Variants in GNAS observed in about 807,000 individuals in gnomAD.
GNAS encodes protein ALEX.
Under a neutral mutation model 54.5 loss-of-function variants are expected in GNAS, and 8 were observed. The ratio of observed to expected loss-of-function variants is 0.15; its 90% CI spans 0.09 to 0.26. The LOEUF (loss-of-function observed/expected upper bound fraction) is 0.26, where lower values mean the gene tolerates loss of function less well. GNAS is among the 10% of genes least tolerant of loss of function. The probability of loss-of-function intolerance (pLI) is 1.00; values close to 1 mark genes in which losing one functional copy is unlikely to be tolerated. For missense variants in GNAS, 170 were observed against 529.8 expected (o/e 0.32, Z 6.67); for synonymous variants, 204 against 191.4 (o/e 1.07, Z -0.54).
chr20:58,908,869 G>A lies in GNAS; in HGVS notation c.531-293G>A, dbSNP rs190116991. 403 of 523,892 alleles carry A rather than the reference G, an allele frequency of 7.7e-4. 5 individuals are homozygous for A. The East Asian group carries it at 0.012, about 15-fold the overall frequency. 32.5% of individuals were successfully genotyped at this position (523,892 alleles called of 1,614,324 possible). A position where few individuals can be genotyped will look rare whatever the true frequency, so the allele number is the denominator to read the frequency against. On this transcript the variant is annotated intron_variant, in intron 6 of 12. Transcript: ENST00000371085. ...AAGAACAAAGCCCCACCACCGTGCT[G>A]TGCTGTTTGTGTGGCCCCACTGCGT...
chr20:58,892,965 TGCTTTGTG>T, intron 1 of GNAS, among the ~76,000 whole-genome samples: 1 of 142,072 alleles, frequency 7.0e-6, no homozygotes, highest in Non-Finnish European at 1.5e-5. Flanking sequence ...ACATTGAGAG[TGCTTTGTG>T]AAAAGAAAAA....
At chr20:58,899,385 A>G in intron 3 of GNAS, 1 of 521,330 alleles carries the variant, frequency 1.9e-6, no homozygotes, top group Admixed American at 2.3e-5. Context: ...TTAAAATTTC[A>G]GACCTCTTTG....
In GNAS at chr20:58,910,501, T is replaced by C; in HGVS notation, c.1038+100T>C. 1 of 1,166,722 alleles carries C rather than the reference T, an allele frequency of 8.6e-7. No individual in the cohort carries two copies. The highest frequency in any genetic ancestry group is 1.3e-6 in the Non-Finnish European group (1 of 778,834). The allele number at this position is 1,166,722 out of a possible 1,614,324, so 72.3% of individuals were successfully genotyped here. A position where few individuals can be genotyped will look rare whatever the true frequency, so the allele number is the denominator to read the frequency against. The stretch of plus-strand genomic sequence containing the variant: ...AAATTCAGGGGTTCAGCTACCCAGT[T>C]CCATGGTTTTAGTTCACGCACATCC... On this transcript the variant is annotated intron_variant, in intron 12 of 12. Transcript: ENST00000371085. This position sits in a 1 kb window ranked among gnomAD's most constrained non-coding sequence, Gnocchi z 5.8.
At position 58,891,732 on chromosome 20, in the gene GNAS, C is replaced by G. The variant is rs775708134; in HGVS notation, c.6C>G (p.Gly2=). 3 of 1,162,764 alleles carry G rather than the reference C, an allele frequency of 2.6e-6. No individual in the cohort carries two copies. Among genetic ancestry groups the G allele is most frequent in the Non-Finnish European group, 3.3e-6 (3 of 912,518 alleles). The allele number at this position is 1,162,764 out of a possible 1,614,324, so 72.0% of individuals were successfully genotyped here. The change falls in exon 1 of 13, where the codon GGC becomes GGG. Residue 2 remains glycine (G), a synonymous_variant. Transcript: ENST00000371085. The part of the protein sequence containing the change: M[G]CLGNSKTEDQ... ...CCGCCGCCGCCGCCGCCGCCATGGGCTGCCTCGGGAACAGTAAGACCGAGG... is the reference window on the plus strand; with the variant it reads ...CCGCCGCCGCCGCCGCCGCCATGGGGTGCCTCGGGAACAGTAAGACCGAGG...
At chr20:58,855,184 C>T (rs1335413863) in intron 1 of GNAS, 1 of 1,608,238 alleles carries the variant, frequency 6.2e-7, no homozygotes, top group Non-Finnish European at 8.5e-7. Flanking sequence ...AAGAAGGTAC[C>T]CCTGGCGGAG....
chr20:58,840,077 A>AG (rs768318168), upstream of GNAS: 3 of 1,607,336 alleles, frequency 1.9e-6, no homozygotes, highest in Non-Finnish European at 2.5e-6. This position sits in a 1 kb window ranked among gnomAD's most constrained non-coding sequence, Gnocchi z 6.0. Flanking sequence ...GCCAGAGGGC[A>AG]GGCCGGCTTC....
intron 1 of GNAS, among the ~76,000 whole-genome samples, chr20:58,877,600 A>G (rs1452333057): frequency 6.6e-6 from 1 of 152,236 alleles, no homozygotes; most frequent in Admixed American, 6.5e-5. Flanking sequence ...AGAGCAGGAT[A>G]AAGGGACAGA....
Position 58,841,470 on chromosome 20 carries a change from C to A in GNAS, c.43+584C>A. 2.0e-6 allele frequency: 2 copies of A among 991,580 alleles called. No homozygotes were observed. 61.4% of individuals were successfully genotyped at this position (991,580 alleles called of 1,614,324 possible). ...GCGCGGCGCCTAAGCAGCTCAGAGCCGGAGCCCAGGTCCCAGAGCTGACAA... is the reference window on the plus strand; with the variant it reads ...GCGCGGCGCCTAAGCAGCTCAGAGCAGGAGCCCAGGTCCCAGAGCTGACAA... On this transcript the variant is annotated intron_variant, in intron 1 of 12. Transcript: ENST00000306090. The surrounding 1 kb of genome is among the most constrained non-coding windows in gnomAD (Gnocchi z 5.0).
intron 1 of GNAS, among the ~76,000 whole-genome samples, chr20:58,866,726 AC>A (rs1382866483): frequency 3.3e-5 from 5 of 152,110 alleles, no homozygotes; most frequent in Non-Finnish European, 7.4e-5. Flanking sequence ...GATTGTAACA[AC>A]TGAAACAGAT....
chr20:58,846,607 C>T (rs1268692225), intron 1 of GNAS, among the ~76,000 whole-genome samples: 1 of 152,148 alleles, frequency 6.6e-6, no homozygotes, highest in African/African-American at 2.4e-5. Context: ...TTCAAGGTCC[C>T]CACTCTCAAA....
chr20:58,848,033 A>G (rs1199865594), intron 1 of GNAS, among the ~76,000 whole-genome samples: 1 of 152,188 alleles, frequency 6.6e-6, no homozygotes, highest in East Asian at 1.9e-4. Context: ...AAAGAAATAC[A>G]CACATTCTTT....
chr20:58,853,684 A>G lies in GNAS; in HGVS notation c.43+12798A>G. The G allele has an allele frequency of 6.2e-7, 1 of 1,613,732 alleles. No homozygotes were observed. The highest frequency in any genetic ancestry group is 1.3e-5 in the African/African-American group (1 of 75,078). On this transcript the variant is annotated intron_variant, in intron 1 of 12. Transcript: ENST00000306090. The surrounding 1 kb of genome is among the most constrained non-coding windows in gnomAD (Gnocchi z 4.4). ...GAGGCCTTCGGCCCAGCACTCATGGAGCCCGGAGCCTTCAGTGGTGCCAGA... is the reference window on the plus strand; with the variant it reads ...GAGGCCTTCGGCCCAGCACTCATGGGGCCCGGAGCCTTCAGTGGTGCCAGA...
chr20:58,840,556 C>G (rs1322389431), upstream of GNAS: 1 of 1,613,264 alleles, frequency 6.2e-7, no homozygotes, highest in Non-Finnish European at 8.5e-7. The surrounding 1 kb of genome is among the most constrained non-coding windows in gnomAD (Gnocchi z 6.0). Flanking sequence ...CGGTGGTGCC[C>G]AAGCACTCCA....
intron 1 of GNAS, among the ~76,000 whole-genome samples, chr20:58,893,266 A>T (rs1485336645): frequency 6.6e-6 from 1 of 151,660 alleles, no homozygotes; most frequent in African/African-American, 2.4e-5. Context: ...ATAATAAAAT[A>T]AAAAAAGGTT....
At chr20:58,867,820 G>C (rs779943058) in intron 1 of GNAS, among the ~76,000 whole-genome samples, 17 of 152,064 alleles carry the variant, frequency 1.1e-4, no homozygotes, top group Non-Finnish European at 1.3e-4. Context: ...AGAAGCAGAG[G>C]GTATCTCTGT....
At chr20:58,855,389 G>A (rs1354464973) in intron 1 of GNAS, 3 of 1,502,498 alleles carry the variant, frequency 2.0e-6, no homozygotes, top group African/African-American at 1.4e-5. Context: ...CCGGGGAGGG[G>A]GTGGCAGGGC....
intron 2 of GNAS, among the ~76,000 whole-genome samples, chr20:58,896,580 C>G (rs909239519): frequency 2.0e-5 from 3 of 151,708 alleles, no homozygotes; most frequent in African/African-American, 7.3e-5. Context: ...CCCCAAGACC[C>G]CAGATGGGGC....
chr20:58,868,238 C>T (rs2087186532), intron 1 of GNAS, among the ~76,000 whole-genome samples: 1 of 152,148 alleles, frequency 6.6e-6, no homozygotes, highest in Non-Finnish European at 1.5e-5. Context: ...AGGCTGGTCT[C>T]AAACTCCCGA....
intron 3 of GNAS, chr20:58,902,899 T>A (rs2090758258): frequency 6.1e-6 from 1 of 164,358 alleles, no homozygotes. Context: ...GCCCAGCTAG[T>A]TTTTTTGTGT....
Sources: allele counts gnomAD v4.1 joint callset (sites outside exome capture counted in the v4.1 genomes callset), GRCh38; gene constraint gnomAD v4.1.1; non-coding constraint Gnocchi (gnomAD v3.1); transcripts MANE v1.5; gene names NCBI Gene and HGNC (gene_info 2026-07-23, HGNC 2026-07-21).